The following LOXL2 variants were observed in gnomAD, a reference collection of about 807,000 sequenced individuals.
The protein encoded by LOXL2 is lysyl oxidase homolog 2.
LOXL2 carries 70 observed loss-of-function variants against 93.0 expected under a neutral mutation model. The observed-to-expected ratio is 0.75, with a 90% CI of 0.62 to 0.92. LOXL2 has a LOEUF of 0.92. Ranked by LOEUF, LOXL2 falls within the 40% of genes least tolerant of loss-of-function variation. The pLI, the probability that LOXL2 is intolerant of heterozygous loss-of-function variation, is 0.00. For missense variants in LOXL2, 973 were observed against 1,054.9 expected (o/e 0.92, Z 1.08); for synonymous variants, 438 against 413.2 (o/e 1.06, Z -0.73).
chr8:23,390,504 C>T (rs911462663), intron 1 of LOXL2, among the ~76,000 whole-genome samples: 7 of 151,946 alleles, frequency 4.6e-5, no homozygotes, highest in African/African-American at 1.7e-4. Flanking sequence ...TGCATTTTTT[C>T]CCCCAGCCTC....
rs114247660 is a variant in LOXL2, at chr8:23,328,649, G to A, written c.967-84C>T. ...ACTGTCCCCGCCCCCTCCCTTCCCT[G>A]CCACCCTGTTCCCAGGCCAGGCACT... On this transcript the variant is annotated intron_variant, in intron 5 of 13. Transcript: ENST00000389131. 1,319 of 1,350,370 alleles carry A rather than the reference G, an allele frequency of 9.8e-4. 12 individuals are homozygous for A. In the African/African-American group the frequency reaches 0.018, roughly 18 times the overall value. 83.6% of individuals were successfully genotyped at this position (1,350,370 alleles called of 1,614,324 possible). A position where few individuals can be genotyped will look rare whatever the true frequency, so the allele number is the denominator to read the frequency against.
intron 1 of LOXL2, among the ~76,000 whole-genome samples, chr8:23,376,971 C>T (rs1804605312): frequency 6.6e-6 from 1 of 152,070 alleles, no homozygotes; most frequent in Non-Finnish European, 1.5e-5. Flanking sequence ...TTATTTCTTG[C>T]CTTCTGCTAG....
intron 6 of LOXL2, among the ~76,000 whole-genome samples, chr8:23,323,244 C>G (rs1326752223): frequency 6.6e-6 from 1 of 152,216 alleles, no homozygotes; most frequent in Non-Finnish European, 1.5e-5. Context: ...CGATCCTAAT[C>G]AGAGCCCAGG....
chr8:23,332,412 C>A (rs1407475389), intron 5 of LOXL2, among the ~76,000 whole-genome samples: 1 of 128,750 alleles, frequency 7.8e-6, no homozygotes, highest in Non-Finnish European at 1.7e-5. Flanking sequence ...ATACACACAC[C>A]GCCACACACC....
chr8:23,323,173 G>A (rs1803524100), intron 6 of LOXL2, among the ~76,000 whole-genome samples: 1 of 152,222 alleles, frequency 6.6e-6, no homozygotes, highest in Admixed American at 6.5e-5. Context: ...GCATAAAAAT[G>A]CATCGGTGAT....
At chr8:23,338,674 A>G (rs1803835128) in intron 4 of LOXL2, among the ~76,000 whole-genome samples, 1 of 152,190 alleles carries the variant, frequency 6.6e-6, no homozygotes. Context: ...GGACATGGGA[A>G]AGATGCAACT....
intron 2 of LOXL2, chr8:23,364,471 G>C (rs1804363675): frequency 6.6e-6 from 1 of 152,142 alleles, no homozygotes; most frequent in Non-Finnish European, 1.5e-5. Context: ...TCATTAGGAA[G>C]GTGAAAATCA....
intron 1 of LOXL2, among the ~76,000 whole-genome samples, chr8:23,373,582 C>G (rs1335761395): frequency 6.6e-6 from 1 of 152,194 alleles, no homozygotes; most frequent in Non-Finnish European, 1.5e-5. Context: ...TGCCAAAGGT[C>G]ACACAGAGTG....
chr8:23,383,633 A>G (rs1329353830), intron 1 of LOXL2, among the ~76,000 whole-genome samples: 1 of 145,034 alleles, frequency 6.9e-6, no homozygotes, highest in African/African-American at 2.6e-5. Context: ...TATTTCTAAG[A>G]GGGCACTTTT....
At chr8:23,303,175 G>C in intron 11 of LOXL2, 107 bp downstream of exon 11, 1 of 751,174 alleles carries the variant, frequency 1.3e-6, no homozygotes, top group Middle Eastern at 3.2e-4. Context: ...GCAGTGGTCA[G>C]AGTGACACAG....
intron 2 of LOXL2, among the ~76,000 whole-genome samples, chr8:23,362,896 G>A (rs552492936): frequency 5.9e-5 from 9 of 152,104 alleles, no homozygotes; most frequent in Admixed American, 2.0e-4. Flanking sequence ...TTTTCTCACC[G>A]CTCCTTTTAG....
chr8:23,349,622 G>A (rs1414973597), intron 3 of LOXL2, among the ~76,000 whole-genome samples: 1 of 151,872 alleles, frequency 6.6e-6, no homozygotes, highest in Non-Finnish European at 1.5e-5. Flanking sequence ...GCATTCTGGT[G>A]ACTCATTGAG....
intron 10 of LOXL2, among the ~76,000 whole-genome samples, chr8:23,308,340 A>C (rs915130910): frequency 6.6e-6 from 1 of 152,224 alleles, no homozygotes; most frequent in Non-Finnish European, 1.5e-5. Flanking sequence ...GGGATTGAGC[A>C]GGTCCCAGGC....
rs966547753 is a variant in LOXL2, at chr8:23,378,732, C to T, written c.-83-10298G>A. 5.9e-5 allele frequency among the ~76,000 whole-genome samples: 9 copies of T among 152,320 alleles called. 1 individual carries two copies. The highest frequency in any genetic ancestry group is 4.1e-4 in the South Asian group (2 of 4,832). ...TACCCTTTCTTCTGGTTGATCGAAA[C>T]GGCTACTGAAGCTTGTGCATTCGTC... On this transcript the variant is annotated intron_variant, in intron 1 of 13. Transcript: ENST00000389131.
Position 23,360,127 on chromosome 8 carries a change from C to A in LOXL2, c.494G>T (p.Gly165Val). ...GATCAACGAATTGTCAAATTTGAAC[C>A]CAGGAATCCTTTTGTCGCTGCACAC... ...GVVCSDKRIPGFKFDNSLINQ... is the reference protein window; with the variant it reads ...GVVCSDKRIPVFKFDNSLINQ... The change falls in exon 3 of 14, where the codon GGG becomes GTG. Residue 165 changes from glycine (G) to valine (V), a missense_variant. By Grantham distance (109) the Gly-to-Val change is moderately radical. Coordinates refer to ENST00000389131, the MANE Select transcript of LOXL2 (RefSeq NM_002318.3). The A allele has an allele frequency of 6.2e-7, 1 of 1,610,010 alleles. No homozygotes were observed. Among genetic ancestry groups the A allele is most frequent in the Non-Finnish European group, 8.5e-7 (1 of 1,176,428 alleles).
Position 23,335,627 on chromosome 8 carries a change from C to T in LOXL2, c.744-2004G>A, listed in dbSNP as rs1370686606. Among the ~76,000 whole-genome samples the T allele has an allele frequency of 4.6e-5, 7 of 152,056 alleles. No homozygotes were observed. The South Asian group carries it at 6.2e-4, about 14-fold the overall frequency. On this transcript the variant is annotated intron_variant, in intron 4 of 13. Coordinates refer to ENST00000389131, the MANE Select transcript of LOXL2 (RefSeq NM_002318.3). ...GGAAGGCCCTGCTACCTGCTCATGTCGACCCAGCTTTTCAGGGCCCGTGTG... is the reference window on the plus strand; with the variant it reads ...GGAAGGCCCTGCTACCTGCTCATGTTGACCCAGCTTTTCAGGGCCCGTGTG...
chr8:23,346,138 AAAAT>A (rs1214430396), intron 3 of LOXL2, among the ~76,000 whole-genome samples: 4 of 48,180 alleles, frequency 8.3e-5, no homozygotes, highest in East Asian at 5.5e-4. Context: ...AAAATAAAAT[AAAAT>A]AAATAAAATA....
chr8:23,344,211 C>T (rs980997192), intron 3 of LOXL2, among the ~76,000 whole-genome samples: 5 of 152,246 alleles, frequency 3.3e-5, no homozygotes, highest in South Asian at 2.1e-4. Context: ...CAGTTTCCTC[C>T]GCTGAATAGG....
intron 4 of LOXL2, among the ~76,000 whole-genome samples, chr8:23,334,977 C>T (rs147877272): frequency 4.6e-5 from 7 of 152,098 alleles, no homozygotes; most frequent in African/African-American, 1.7e-4. Flanking sequence ...CCACCACATC[C>T]GGCTAATTTT....
Sources: gnomAD v4.1 joint callset for allele counts (sites outside exome capture counted in the v4.1 genomes callset) on GRCh38, gnomAD v4.1.1 for gene constraint, MANE v1.5 for transcripts, NCBI Gene and HGNC (gene_info 2026-07-23, HGNC 2026-07-21) for gene names.